The following DSG1 variants were observed in gnomAD, a reference collection of about 807,000 sequenced individuals.
The protein encoded by DSG1 is desmoglein 1.
Under a neutral mutation model 97.5 loss-of-function variants are expected in DSG1, and 39 were observed. That is an observed-to-expected ratio of 0.40 (90% CI 0.31 to 0.52). The LOEUF is 0.52. Ranked by LOEUF, DSG1 falls within the 20% of genes least tolerant of loss-of-function variation. The probability of loss-of-function intolerance (pLI) is 0.53; values close to 1 mark genes in which losing one functional copy is unlikely to be tolerated. For synonymous variants in DSG1, 475 were observed against 443.4 expected, an observed-to-expected ratio of 1.07 and a Z score of -0.90; for missense variants, 1,311 against 1,295.4, an observed-to-expected ratio of 1.01 and a Z score of -0.18.
At chr18:31,331,915 C>T (rs774716708) in intron 6 of DSG1, 48 bp downstream of exon 6, 1 of 1,572,060 alleles carries the variant, frequency 6.4e-7, no homozygotes, top group South Asian at 1.1e-5. Flanking sequence ...GGAACTGATT[C>T]TAAAAGCAAG....
rs1460856321 is a variant in DSG1 at position 31,356,347 on chromosome 18, GT to G, written c.*1003del. Reference sequence around the variant, plus strand: ...CAGCTCTTTATTACATAGCTCTGAAGTTAAAATGATTTACATAGGCCGAGCT... The same window carrying G: ...CAGCTCTTTATTACATAGCTCTGAAGTAAAATGATTTACATAGGCCGAGCT... On this transcript the variant is annotated 3_prime_UTR_variant, in exon 15 of 15. Transcript: ENST00000257192. The G allele has an allele frequency of 2.0e-5, 3 of 152,042 alleles. No homozygotes were observed. Among genetic ancestry groups the G allele is most frequent in the Admixed American group, 2.0e-4 (3 of 15,266 alleles). The allele number at this position is 152,042 out of a possible 1,614,324, so 9.4% of individuals were successfully genotyped here.
At chr18:31,326,264 G>A (rs145815492) in intron 1 of DSG1, among the ~76,000 whole-genome samples, 60 of 151,814 alleles carry the variant, frequency 4.0e-4, no homozygotes, top group African/African-American at 1.4e-3. Context: ...TCTTATATCA[G>A]TTATACAAAT....
At chr18:31,341,707 G>T (rs191693359) in intron 11 of DSG1, among the ~76,000 whole-genome samples, 1 of 152,144 alleles carries the variant, frequency 6.6e-6, no homozygotes, top group East Asian at 1.9e-4. Flanking sequence ...ACAAGATAAA[G>T]GCAAAAATGC....
chr18:31,330,111 C>T, intron 5 of DSG1, 75 bp downstream of exon 5: 7 of 1,525,396 alleles, frequency 4.6e-6, no homozygotes, highest in Non-Finnish European at 6.4e-6. Flanking sequence ...TGTCAAAGTA[C>T]ACATCATGAA....
intron 8 of DSG1, 127 bp downstream of exon 8, chr18:31,334,329 A>AAT (rs3034268): frequency 1.3e-5 from 8 of 605,200 alleles, no homozygotes; most frequent in Non-Finnish European, 2.0e-5. Context: ...CTGTGTTTTA[A>AAT]ATATATATAT....
At chr18:31,340,284 T>C (rs2071780723) in intron 11 of DSG1, among the ~76,000 whole-genome samples, 1 of 151,698 alleles carries the variant, frequency 6.6e-6, no homozygotes, top group Admixed American at 6.6e-5. Flanking sequence ...AGGCTCAAAT[T>C]GCTATTTCAG....
In DSG1 at chr18:31,334,163, G is replaced by A; in HGVS notation, c.966G>A (p.Met322Ile). ...AAGGAAATTGGTTTGAGATAGAAAT[G>A]AATGAAAGAACAAATGTGGGAATTT... ...GNEGNWFEIE[M>I]NERTNVGILK... The change falls in exon 8 of 15, where the codon ATG (methionine) becomes ATA (isoleucine). Residue 322 changes from methionine to isoleucine, a missense_variant. Transcript: ENST00000257192. 6 of 1,607,216 alleles carry A rather than the reference G, an allele frequency of 3.7e-6. No homozygotes were observed. Among genetic ancestry groups the A allele is most frequent in the Non-Finnish European group, 5.1e-6 (6 of 1,174,138 alleles).
In DSG1 at chr18:31,355,139, C is replaced by T. The variant is rs2071944015; in HGVS notation, c.2943C>T (p.Gly981=). 6.2e-7 allele frequency: 1 copy of T among 1,611,976 alleles called. No homozygotes were observed. Among genetic ancestry groups the T allele is most frequent in the Non-Finnish European group, 8.5e-7 (1 of 1,178,554 alleles). Reference sequence around the variant, plus strand: ...GCATAGGCAGCAGTGGCCTGGTTGGCACCAGCATGGGTGCTGGGAGCGGTG... The same window carrying T: ...GCATAGGCAGCAGTGGCCTGGTTGGTACCAGCATGGGTGCTGGGAGCGGTG... ...SGGIGSSGLV[G]TSMGAGSGAL... Residue 981 remains glycine, a synonymous_variant, in exon 15 of 15, where the codon GGC becomes GGT. Coordinates refer to ENST00000257192, the MANE Select transcript of DSG1 (RefSeq NM_001942.4).
rs1468821281 is a variant in DSG1 at position 31,336,372 on chromosome 18, A to G, written c.1024A>G (p.Met342Val). 6.2e-7 allele frequency: 1 copy of G among 1,613,778 alleles called. No individual in the cohort carries two copies. The highest frequency in any genetic ancestry group is 2.2e-5 in the East Asian group (1 of 44,838). The change falls in exon 9 of 15, where the codon ATG (methionine) becomes GTG (valine). Residue 342 changes from methionine (M) to valine (V), a missense_variant. Coordinates refer to ENST00000257192, the MANE Select transcript of DSG1 (RefSeq NM_001942.4). ...KVVKPLDYEAMQSLQLSIGVR... is the reference protein window; with the variant it reads ...KVVKPLDYEAVQSLQLSIGVR... Reference sequence around the variant, plus strand: ...TTTCTAGCCCTTAGATTATGAAGCTATGCAGAGTCTGCAACTCAGTATTGG... The same window carrying G: ...TTTCTAGCCCTTAGATTATGAAGCTGTGCAGAGTCTGCAACTCAGTATTGG...
chr18:31,318,382 G>T, intron 1 of DSG1, 34 bp downstream of exon 1: 1 of 1,578,808 alleles, frequency 6.3e-7, no homozygotes, highest in Non-Finnish European at 8.7e-7. Flanking sequence ...CTTCATAATC[G>T]TGCCCATTGT....
chr18:31,343,680 G>GT, intron 12 of DSG1, 97 bp downstream of exon 12: 24 of 1,560,904 alleles, frequency 1.5e-5, no homozygotes, highest in Non-Finnish European at 1.8e-5. Flanking sequence ...AGTCTATGCT[G>GT]TTTTTTGTGC....
At chr18:31,321,955 G>C in intron 1 of DSG1, among the ~76,000 whole-genome samples, 1 of 152,192 alleles carries the variant, frequency 6.6e-6, no homozygotes, top group South Asian at 2.1e-4. Context: ...CTCATCTCAG[G>C]GAACACCCTT....
intron 14 of DSG1, chr18:31,353,888 T>A: frequency 3.7e-6 from 1 of 268,420 alleles, no homozygotes; most frequent in Non-Finnish European, 7.2e-6. Flanking sequence ...CCTAGTGAGA[T>A]GAACCCGGTA....
At position 31,346,164 on chromosome 18, in the gene DSG1, T is replaced by C; in HGVS notation, c.2066T>C (p.Leu689Pro). Residue 689 changes from leucine (L) to proline (P), a missense_variant, in exon 14 of 15, where the codon CTG becomes CCG. Leu to Pro is a moderately conservative substitution (Grantham distance 98). Coordinates refer to ENST00000257192, the MANE Select transcript of DSG1 (RefSeq NM_001942.4). The stretch of plus-strand genomic sequence containing the variant: ...ATGAGGGAATGTAGAGAAGGAGGTC[T>C]GAATATGAATTTCATGGAAAGCTAC... The part of the protein sequence containing the change: ...NSMRECREGG[L>P]NMNFMESYFC... 6.2e-7 allele frequency: 1 copy of C among 1,613,870 alleles called. No homozygotes were observed. Among genetic ancestry groups the C allele is most frequent in the Non-Finnish European group, 8.5e-7 (1 of 1,179,800 alleles).
intron 14 of DSG1, among the ~76,000 whole-genome samples, chr18:31,348,450 G>A (rs577942546): frequency 1.3e-3 from 191 of 151,664 alleles, no homozygotes; most frequent in Non-Finnish European, 2.3e-3. Context: ...TGTCTTTATA[G>A]CAGCATGATT....
intron 14 of DSG1, among the ~76,000 whole-genome samples, chr18:31,353,254 TG>T (rs1176375311): frequency 2.6e-5 from 4 of 150,968 alleles, no homozygotes; most frequent in African/African-American, 7.3e-5. Flanking sequence ...GTGCCCCTGC[TG>T]GGGGGTGCCT....
rs2071631558 is a variant in DSG1 at position 31,318,165 on chromosome 18, C to T, written c.-136C>T. 2 of 813,992 alleles carry T rather than the reference C, an allele frequency of 2.5e-6. No individual in the cohort carries two copies. Among genetic ancestry groups the T allele is most frequent in the East Asian group, 2.5e-5 (1 of 39,910 alleles). The allele number at this position is 813,992 out of a possible 1,614,324, so 50.4% of individuals were successfully genotyped here. ...TCCTTCTCCCAGAGGAAGGCAGAAA[C>T]ACCTCAAAGCCTGCATGTAAGAACA... On this transcript the variant is annotated 5_prime_UTR_variant, in exon 1 of 15. Coordinates refer to ENST00000257192, the MANE Select transcript of DSG1 (RefSeq NM_001942.4).
In DSG1 at chr18:31,343,466, G is replaced by A; in HGVS notation, c.1704G>A (p.Met568Ile). 6.2e-7 allele frequency: 1 copy of A among 1,614,124 alleles called. No individual in the cohort carries two copies. Among genetic ancestry groups the A allele is most frequent in the Non-Finnish European group, 8.5e-7 (1 of 1,180,008 alleles). Residue 568 changes from methionine to isoleucine, a missense_variant, in exon 12 of 15, where the codon ATG becomes ATA. By Grantham distance (10) the Met-to-Ile change is conservative. This residue lies in a region of DSG1 where 1,038 missense variants were observed against 964.6 expected (regional missense o/e 1.08). Coordinates refer to ENST00000257192, the MANE Select transcript of DSG1 (RefSeq NM_001942.4). ...CACCACCAGTGGTCCCATTTTTGAT[G>A]ATCTGTTGTGATTGTGGAGGTGCTC... ...FLVLGLVPFL[M>I]ICCDCGGAPR...
rs764255574 is a variant in DSG1 at position 31,338,453 on chromosome 18, T to C, written c.1404T>C (p.Asp468=). The C allele has an allele frequency of 1.4e-5, 22 of 1,612,560 alleles. No individual in the cohort carries two copies. Among genetic ancestry groups the C allele is most frequent in the Non-Finnish European group, 1.7e-5 (20 of 1,178,894 alleles). Residue 468 remains aspartate, a splice_region_variant and synonymous_variant, in exon 10 of 15, where the codon GAT becomes GAC. Transcript: ENST00000257192. ...ACCAAGGAACGATTCTCTCTATAGA[T>C]GGTAAGAAATTAATTTACATTTTTA... is the stretch of plus-strand genomic sequence containing the variant. ...GKYQGTILSI[D]DNLQRTCTGT... is the part of the protein sequence containing the mutation.
Sources: allele counts gnomAD v4.1 joint callset (sites outside exome capture counted in the v4.1 genomes callset), GRCh38; gene constraint gnomAD v4.1.1; regional missense constraint gnomAD v4.1.1; transcripts MANE v1.5; gene names NCBI Gene and HGNC (gene_info 2026-07-23, HGNC 2026-07-21).